The following ADAMTSL1 variants were observed in gnomAD, a reference collection of about 807,000 sequenced individuals.
ADAMTSL1 encodes ADAMTS-like protein 1.
ADAMTSL1 carries 126 observed loss-of-function variants against 201.8 expected under a neutral mutation model. That is an observed-to-expected ratio of 0.62 (90% confidence interval 0.54 to 0.72). ADAMTSL1 has a LOEUF of 0.72. ADAMTSL1 is among the 30% of genes least tolerant of loss of function. The probability of loss-of-function intolerance (pLI) is 0.00; values close to 1 mark genes in which losing one functional copy is unlikely to be tolerated. For synonymous variants in ADAMTSL1, 1,121 were observed against 903.4 expected, an observed-to-expected ratio of 1.24 and a Z score of -4.32; for missense variants, 2,679 against 2,277.8, an observed-to-expected ratio of 1.18 and a Z score of -3.59.
intron 2 of ADAMTSL1, among the ~76,000 whole-genome samples, chr9:18,466,846 G>T (rs955639121): frequency 6.6e-6 from 1 of 152,100 alleles, no homozygotes; most frequent in Non-Finnish European, 1.5e-5. Flanking sequence ...AGACCATACA[G>T]TGATCTGTTG....
chr9:18,549,566 T>C (rs1315406662), intron 3 of ADAMTSL1, among the ~76,000 whole-genome samples: 2 of 152,038 alleles, frequency 1.3e-5, no homozygotes, highest in Non-Finnish European at 2.9e-5. Flanking sequence ...TGTATGTATG[T>C]ATGCATGTTA....
At chr9:18,732,789 G>T (rs1231778504) in intron 15 of ADAMTSL1, among the ~76,000 whole-genome samples, 1 of 152,186 alleles carries the variant, frequency 6.6e-6, no homozygotes, top group African/African-American at 2.4e-5. Context: ...AGGGCATCTT[G>T]TCCCCATATC....
At chr9:18,764,931 AC>A (rs1297742813) in intron 16 of ADAMTSL1, among the ~76,000 whole-genome samples, 2 of 152,294 alleles carry the variant, frequency 1.3e-5, no homozygotes, top group African/African-American at 4.8e-5. Flanking sequence ...CAAACTGATA[AC>A]CCAGTTGTGT....
intron 23 of ADAMTSL1, among the ~76,000 whole-genome samples, chr9:18,856,436 G>C (rs1044281081): frequency 1.3e-5 from 2 of 149,026 alleles, no homozygotes. Flanking sequence ...ATGATAAACT[G>C]GTTGTTGCCA....
At chr9:18,811,411 C>A (rs1051887831) in intron 20 of ADAMTSL1, among the ~76,000 whole-genome samples, 2 of 152,196 alleles carry the variant, frequency 1.3e-5, no homozygotes, top group Admixed American at 1.3e-4. Context: ...AGGACTTGTA[C>A]CACCTGCCCA....
At chr9:18,360,057 A>C (rs1314479117) in intron 2 of ADAMTSL1, among the ~76,000 whole-genome samples, 1 of 152,034 alleles carries the variant, frequency 6.6e-6, no homozygotes, top group Non-Finnish European at 1.5e-5. Context: ...CTCAATATAT[A>C]GTAATTGTAT....
intron 15 of ADAMTSL1, among the ~76,000 whole-genome samples, chr9:18,748,733 A>G (rs1819285615): frequency 6.6e-6 from 1 of 152,252 alleles, no homozygotes; most frequent in African/African-American, 2.4e-5. Context: ...AACATCTGCC[A>G]GGTCCCAGGC....
intron 2 of ADAMTSL1, among the ~76,000 whole-genome samples, chr9:18,394,437 A>G (rs1417166354): frequency 6.6e-6 from 1 of 152,204 alleles, no homozygotes; most frequent in African/African-American, 2.4e-5. Context: ...GACATTGTAA[A>G]TGTAAGACCA....
chr9:17,941,820 G>A lies in ADAMTSL1; in HGVS notation c.87+34898G>A, dbSNP rs570865144. 2.9e-4 allele frequency among the ~76,000 whole-genome samples: 44 copies of A among 152,198 alleles called. 1 individual carries two copies. The highest frequency in any genetic ancestry group is 3.4e-3 in the Middle Eastern group (1 of 292). The stretch of plus-strand genomic sequence containing the variant: ...CAGTTCTAGAAGCTGGGAAGTTCAA[G>A]ATCAAGGTGCTAGCAGATTTGAGGT... On this transcript the variant is annotated intron_variant, in intron 1 of 29. Coordinates refer to the ADAMTSL1 transcript ENST00000680146.
At chr9:18,236,540 G>C (rs1830857345) in intron 2 of ADAMTSL1, among the ~76,000 whole-genome samples, 2 of 152,160 alleles carry the variant, frequency 1.3e-5, no homozygotes, top group South Asian at 4.2e-4. Flanking sequence ...TCCCTTTCCT[G>C]TGATGATGAT....
intron 2 of ADAMTSL1, among the ~76,000 whole-genome samples, chr9:18,218,737 C>A (rs534495542): frequency 2.1e-4 from 32 of 151,676 alleles, no homozygotes; most frequent in Admixed American, 1.9e-3. Context: ...GTTTTTGGAG[C>A]CTCTTCTTAT....
At position 18,904,660 on chromosome 9, in the gene ADAMTSL1, AAAAAAAAAAAAAGGTC is replaced by A. The variant is rs1173653442; in HGVS notation, c.4852-1121_4852-1106del. The stretch of plus-strand genomic sequence containing the variant: ...AAAAAAAAAAAAAAAAAAAAAAAAA[AAAAAAAAAAAAAGGTC>A]CGTTTATGTGTATTTTACGATTTAA... On this transcript the variant is annotated intron_variant, in intron 26 of 28. Coordinates refer to ENST00000380548, the MANE Select transcript of ADAMTSL1 (RefSeq NM_001040272.6). Among the ~76,000 whole-genome samples, 3 of 127,502 alleles carry A rather than the reference AAAAAAAAAAAAAGGTC, an allele frequency of 2.4e-5. 1 individual carries two copies. Among genetic ancestry groups the A allele is most frequent in the Admixed American group, 1.5e-4 (2 of 13,560 alleles). The allele number at this position is 127,502 out of a possible 152,430, so 83.6% of individuals were successfully genotyped here.
intron 1 of ADAMTSL1, among the ~76,000 whole-genome samples, chr9:18,065,650 A>T (rs948419474): frequency 2.6e-5 from 4 of 152,174 alleles, no homozygotes; most frequent in African/African-American, 9.6e-5. Context: ...CTCTGTGCTT[A>T]AGGTTAGTTT....
chr9:18,472,494 C>A (rs1821254393), upstream of ADAMTSL1, among the ~76,000 whole-genome samples: 2 of 152,168 alleles, frequency 1.3e-5, no homozygotes, highest in Non-Finnish European at 2.9e-5. Flanking sequence ...CTTTGTATGA[C>A]CTTGACTTTC....
chr9:18,736,476 T>G (rs1020733280), intron 15 of ADAMTSL1, among the ~76,000 whole-genome samples: 10 of 152,298 alleles, frequency 6.6e-5, no homozygotes, highest in African/African-American at 2.4e-4. Context: ...AAGTTGACAA[T>G]GTAACTGACC....
chr9:18,206,861 G>A (rs553813010), intron 2 of ADAMTSL1, among the ~76,000 whole-genome samples: 49 of 152,062 alleles, frequency 3.2e-4, no homozygotes, highest in Non-Finnish European at 5.6e-4. Flanking sequence ...TGACCAGCAA[G>A]CAAGGAAAGA....
In ADAMTSL1 at chr9:18,777,753, A is replaced by G; in HGVS notation, c.3524A>G (p.Gln1175Arg). Residue 1175 changes from glutamine (Q) to arginine (R), a missense_variant, in exon 19 of 29, where the codon CAG becomes CGG. Transcript: ENST00000380548. ...TILRKISAAQ[Q>R]LSASEVVTHL... The stretch of plus-strand genomic sequence containing the variant: ...CTGCGCAAGATCTCAGCGGCCCAGC[A>G]GCTCTCAGCCTCGGAGGTGGTCACC... 1 of 1,613,738 alleles carries G rather than the reference A, an allele frequency of 6.2e-7. No homozygotes were observed. Among genetic ancestry groups the G allele is most frequent in the Non-Finnish European group, 8.5e-7 (1 of 1,179,832 alleles).
intron 1 of ADAMTSL1, among the ~76,000 whole-genome samples, chr9:17,969,963 G>C (rs757145112): frequency 6.6e-6 from 1 of 151,968 alleles, no homozygotes; most frequent in Admixed American, 6.6e-5. Flanking sequence ...TAAAATAAAA[G>C]TTGAGGATAA....
chr9:18,754,433 C>G (rs996631187), intron 16 of ADAMTSL1, among the ~76,000 whole-genome samples: 1 of 152,144 alleles, frequency 6.6e-6, no homozygotes, highest in Non-Finnish European at 1.5e-5. Context: ...TTTAAAGGGA[C>G]AACAAAGGCC....
Sources: allele counts gnomAD v4.1 joint callset (sites outside exome capture counted in the v4.1 genomes callset), GRCh38; gene constraint gnomAD v4.1.1; transcripts MANE v1.5; gene names NCBI Gene and HGNC (gene_info 2026-07-23, HGNC 2026-07-21).